CTNNA2: variants seen among roughly 807,000 people sequenced by gnomAD.
The protein encoded by CTNNA2 is catenin alpha 2.
Under a neutral mutation model 101.0 loss-of-function variants are expected in CTNNA2, and 42 were observed. The ratio of observed to expected loss-of-function variants is 0.42; its 90% CI spans 0.32 to 0.54. The LOEUF (loss-of-function observed/expected upper bound fraction) is 0.54, where lower values mean the gene tolerates loss of function less well. Among genes scored for constraint, CTNNA2 ranks in the 20% least tolerant of loss-of-function variants. The pLI is 0.14. For synonymous variants in CTNNA2, 450 were observed against 456.4 expected (o/e 0.99, Z 0.18); for missense variants, 871 against 1,223.1 (o/e 0.71, Z 4.29).
At chr2:79,834,043 C>T (rs1318897050) in intron 3 of CTNNA2, among the ~76,000 whole-genome samples, 1 of 152,086 alleles carries the variant, frequency 6.6e-6, no homozygotes, top group Non-Finnish European at 1.5e-5. Context: ...TTGCTTGAAA[C>T]ACACAATTGC....
intron 7 of CTNNA2, among the ~76,000 whole-genome samples, chr2:80,144,653 G>A (rs1400577433): frequency 2.0e-5 from 3 of 151,964 alleles, no homozygotes; most frequent in South Asian, 2.1e-4. Flanking sequence ...TTTCACTTTC[G>A]CCCAAGTCAC....
chr2:79,618,895 T>C (rs1403168435), intron 1 of CTNNA2, among the ~76,000 whole-genome samples: 3 of 152,126 alleles, frequency 2.0e-5, no homozygotes, highest in Non-Finnish European at 4.4e-5. Flanking sequence ...AATATATGGG[T>C]ATGAGCACCC....
At position 80,489,918 on chromosome 2, in the gene CTNNA2, G is replaced by T. The variant is rs77467878; in HGVS notation, c.1291-55064G>T. On this transcript the variant is annotated intron_variant, in intron 9 of 18. Coordinates refer to ENST00000402739, the MANE Select transcript of CTNNA2 (RefSeq NM_001282597.3). ...GGTCACACGGGTCCTGAAATCTTCC[G>T]AGAAGTGAATCATAACTCATTCCAA... Among the ~76,000 whole-genome samples the T allele has an allele frequency of 3.2e-4, 49 of 152,238 alleles. No individual in the cohort carries two copies. In the East Asian group the frequency reaches 9.1e-3, roughly 28 times the overall value.
At chr2:80,138,301 T>A (rs558947818) in intron 7 of CTNNA2, among the ~76,000 whole-genome samples, 1 of 152,258 alleles carries the variant, frequency 6.6e-6, no homozygotes, top group South Asian at 2.1e-4. Flanking sequence ...AGTTAATGAT[T>A]GACAGCATCA....
intron 7 of CTNNA2, among the ~76,000 whole-genome samples, chr2:80,370,848 T>C (rs1675375043): frequency 6.6e-6 from 1 of 152,170 alleles, no homozygotes; most frequent in Admixed American, 6.6e-5. Flanking sequence ...CATACAAGTG[T>C]ATTTAGTATG....
At chr2:79,597,458 C>T (rs1218795144) in intron 1 of CTNNA2, among the ~76,000 whole-genome samples, 3 of 101,272 alleles carry the variant, frequency 3.0e-5, no homozygotes, top group Non-Finnish European at 6.0e-5. Context: ...GGCGACAGAG[C>T]GGGTCTCAAA....
At chr2:80,258,876 T>C (rs1672378440) in intron 7 of CTNNA2, among the ~76,000 whole-genome samples, 1 of 152,118 alleles carries the variant, frequency 6.6e-6, no homozygotes, top group Non-Finnish European at 1.5e-5. Context: ...ACTCTGCTCT[T>C]ACCGCCTCAC....
chr2:79,905,244 T>C lies in CTNNA2; in HGVS notation c.853-4350T>C, dbSNP rs559810655. 1.7e-3 allele frequency among the ~76,000 whole-genome samples: 255 copies of C among 151,452 alleles called. 4 individuals carry two copies. Among genetic ancestry groups the C allele is most frequent in the African/African-American group, 5.7e-3 (235 of 41,260 alleles). On this transcript the variant is annotated intron_variant, in intron 6 of 18. Coordinates refer to ENST00000402739, the MANE Select transcript of CTNNA2 (RefSeq NM_001282597.3). Reference sequence around the variant, plus strand: ...CAAAGCAAATAAGCAAATAAGAAAATAGACATGATAAACATAGATTAACTT... The same window carrying C: ...CAAAGCAAATAAGCAAATAAGAAAACAGACATGATAAACATAGATTAACTT...
At chr2:80,313,111 T>A (rs773569515) in intron 7 of CTNNA2, among the ~76,000 whole-genome samples, 3 of 152,226 alleles carry the variant, frequency 2.0e-5, no homozygotes, top group Non-Finnish European at 2.9e-5. Flanking sequence ...ACTCTTGAGT[T>A]GAAGTCACAC....
intron 1 of CTNNA2, among the ~76,000 whole-genome samples, chr2:79,521,156 ATATATAT>A (rs1558695227): frequency 6.0e-5 from 4 of 66,800 alleles, no homozygotes; most frequent in African/African-American, 1.8e-4. Context: ...ATATATATAT[ATATATAT>A]ATATAAATTT....
At chr2:79,535,329 G>A (rs974453308) in intron 1 of CTNNA2, among the ~76,000 whole-genome samples, 16 of 151,030 alleles carry the variant, frequency 1.1e-4, no homozygotes, top group South Asian at 2.1e-4. Context: ...CTCAGCCTCC[G>A]GAGTAGCTGG....
intron 2 of CTNNA2, among the ~76,000 whole-genome samples, chr2:79,249,795 T>C (rs545896911): frequency 6.6e-6 from 1 of 152,322 alleles, no homozygotes; most frequent in Admixed American, 6.5e-5. Context: ...CCCACTTAGA[T>C]GTTTAGTCCC....
At chr2:79,783,868 CTT>C (rs1173035916) in intron 3 of CTNNA2, among the ~76,000 whole-genome samples, 3 of 152,166 alleles carry the variant, frequency 2.0e-5, no homozygotes, top group Non-Finnish European at 2.9e-5. Context: ...ACTAAAAACT[CTT>C]GAGATATATA....
At chr2:79,430,993 G>A (rs6754949) in intron 4 of CTNNA2, among the ~76,000 whole-genome samples, 45,336 of 151,878 alleles carry the variant, frequency 0.3, 6,999 homozygotes, top group South Asian at 0.44. Flanking sequence ...TGCTCCTGGT[G>A]GAAAGGAAGC....
chr2:80,615,836 C>T (rs1055277109), intron 17 of CTNNA2, among the ~76,000 whole-genome samples: 27 of 151,578 alleles, frequency 1.8e-4, no homozygotes, highest in Admixed American at 1.6e-3. Context: ...AGAAAGTTTC[C>T]GGATGGGCAA....
At chr2:80,009,029 A>G (rs1693579592) in intron 7 of CTNNA2, among the ~76,000 whole-genome samples, 1 of 152,178 alleles carries the variant, frequency 6.6e-6, no homozygotes, top group Non-Finnish European at 1.5e-5. Flanking sequence ...ATACATACAA[A>G]CTATGGCATT....
chr2:80,304,216 G>A (rs1457740250), intron 7 of CTNNA2: 1 of 162,902 alleles, frequency 6.1e-6, no homozygotes, highest in Non-Finnish European at 1.3e-5. Flanking sequence ...ATTATATGCA[G>A]GGCGAGAGAA....
At chr2:79,783,935 T>C (rs758357592) in intron 3 of CTNNA2, among the ~76,000 whole-genome samples, 4 of 152,246 alleles carry the variant, frequency 2.6e-5, no homozygotes, top group Non-Finnish European at 5.9e-5. Context: ...TCACAGCAGC[T>C]TCTTGCCAAG....
intron 7 of CTNNA2, among the ~76,000 whole-genome samples, chr2:80,189,766 A>C (rs1005259207): frequency 9.2e-5 from 14 of 152,212 alleles, no homozygotes; most frequent in African/African-American, 3.1e-4. Context: ...AAACAAAACA[A>C]AAACACACAC....
Sources: allele counts gnomAD v4.1 joint callset (sites outside exome capture counted in the v4.1 genomes callset), GRCh38; gene constraint gnomAD v4.1.1; transcripts MANE v1.5; gene names NCBI Gene and HGNC (gene_info 2026-07-23, HGNC 2026-07-21).